CUL5: variants seen among roughly 807,000 people sequenced by gnomAD.
CUL5 encodes the protein cullin 5.
CUL5 carries 26 observed loss-of-function variants against 108.8 expected under a neutral mutation model. The observed-to-expected ratio is 0.24, with a 90% CI of 0.18 to 0.33. CUL5 has a LOEUF of 0.33. Ranked by LOEUF, CUL5 falls within the 10% of genes least tolerant of loss-of-function variation. The pLI, the probability that CUL5 is intolerant of heterozygous loss-of-function variation, is 1.00. For synonymous variants in CUL5, 334 were observed against 298.0 expected, an observed-to-expected ratio of 1.12 and a Z score of -1.25; for missense variants, 524 against 909.2, an observed-to-expected ratio of 0.58 and a Z score of 5.45.
At chr11:108,086,024 T>C (rs927153224) in intron 11 of CUL5, among the ~76,000 whole-genome samples, 6 of 152,206 alleles carry the variant, frequency 3.9e-5, no homozygotes, top group Non-Finnish European at 8.8e-5. Context: ...TACATATTAA[T>C]GGATAGATGG....
At chr11:108,071,409 T>G (rs1268640057) in intron 8 of CUL5, among the ~76,000 whole-genome samples, 3 of 151,692 alleles carry the variant, frequency 2.0e-5, no homozygotes, top group African/African-American at 7.3e-5. Context: ...ACTACAGCCG[T>G]GTACCACCAT....
intron 18 of CUL5, 142 bp downstream of exon 18, chr11:108,098,671 A>T (rs993381138): frequency 3.1e-5 from 15 of 484,176 alleles, no homozygotes; most frequent in Non-Finnish European, 4.6e-5. Flanking sequence ...ACACTTTGGG[A>T]TGCTGAGGCA....
intron 1 of CUL5, among the ~76,000 whole-genome samples, chr11:108,015,449 A>T (rs570882882): frequency 6.6e-6 from 1 of 152,246 alleles, no homozygotes; most frequent in Non-Finnish European, 1.5e-5. Flanking sequence ...CTAGTTAAAC[A>T]TAAATGAGAA....
chr11:108,042,972 A>C (rs564228523), intron 2 of CUL5, among the ~76,000 whole-genome samples: 8 of 152,166 alleles, frequency 5.3e-5, no homozygotes, highest in Non-Finnish European at 1.2e-4. Flanking sequence ...TATGTTGGCC[A>C]GGTTGGTTGC....
rs200626901 is a variant in CUL5 at position 108,094,489 on chromosome 11, C to T, written c.1542C>T (p.His514=). 6.8e-7 allele frequency: 1 copy of T among 1,475,076 alleles called. No homozygotes were observed. Among genetic ancestry groups the T allele is most frequent in the East Asian group, 2.4e-5 (1 of 42,520 alleles). The allele number at this position is 1,475,076 out of a possible 1,614,324, so 91.4% of individuals were successfully genotyped here. A position where few individuals can be genotyped will look rare whatever the true frequency, so the allele number is the denominator to read the frequency against. The change falls in exon 14 of 19, where the codon CAC becomes CAT. Residue 514 remains histidine (H), a synonymous_variant. Transcript: ENST00000393094. ...EDLNQAFKEM[H]KNNKLALPAD... ...TGAACCAAGCTTTTAAGGAAATGCA[C>T]AAAAATAATAAATTGGCATTACCAG...
At chr11:108,015,999 G>T (rs1299251956) in intron 1 of CUL5, among the ~76,000 whole-genome samples, 3 of 152,048 alleles carry the variant, frequency 2.0e-5, no homozygotes, top group Non-Finnish European at 2.9e-5. Context: ...ATGGCTCACT[G>T]CAGTCTTGAT....
At chr11:108,071,808 C>G (rs1863830631) in intron 8 of CUL5, among the ~76,000 whole-genome samples, 1 of 152,162 alleles carries the variant, frequency 6.6e-6, no homozygotes, top group African/African-American at 2.4e-5. Context: ...CCCACCTTGG[C>G]CTCCCAAAGT....
At chr11:108,083,493 A>C (rs1354853947) in intron 11 of CUL5, among the ~76,000 whole-genome samples, 1 of 152,186 alleles carries the variant, frequency 6.6e-6, no homozygotes, top group African/African-American at 2.4e-5. Flanking sequence ...CTCCACATTA[A>C]AGTAGAACAT....
At chr11:108,080,702 C>A (rs1864057761) in intron 11 of CUL5, among the ~76,000 whole-genome samples, 1 of 151,902 alleles carries the variant, frequency 6.6e-6, no homozygotes, top group Non-Finnish European at 1.5e-5. Flanking sequence ...CCCTTTTGGC[C>A]ATTTTTAATT....
intron 13 of CUL5, among the ~76,000 whole-genome samples, chr11:108,089,907 G>A (rs1304886470): frequency 2.0e-5 from 3 of 151,998 alleles, no homozygotes; most frequent in African/African-American, 7.2e-5. Context: ...GGATGTGCTG[G>A]TGCACTCCGG....
chr11:108,081,478 C>T (rs1445456643), intron 11 of CUL5, among the ~76,000 whole-genome samples: 2 of 152,084 alleles, frequency 1.3e-5, no homozygotes, highest in Non-Finnish European at 2.9e-5. Flanking sequence ...GGCTGCCAGG[C>T]GTGGTGGCTC....
At chr11:108,099,005 C>CTTTTT (rs4027717) in intron 18 of CUL5, among the ~76,000 whole-genome samples, 1 of 133,150 alleles carries the variant, frequency 7.5e-6, no homozygotes, top group Non-Finnish European at 1.6e-5. Flanking sequence ...GGCCAGTGTA[C>CTTTTT]TTTTTTTTTT....
At chr11:108,081,919 T>C (rs1864097466) in intron 11 of CUL5, among the ~76,000 whole-genome samples, 1 of 152,248 alleles carries the variant, frequency 6.6e-6, no homozygotes, top group Non-Finnish European at 1.5e-5. Flanking sequence ...GTTGGTTCTT[T>C]TTCAAGATCA....
chr11:108,100,061 C>T (rs1358116009), intron 18 of CUL5, among the ~76,000 whole-genome samples: 2 of 151,246 alleles, frequency 1.3e-5, no homozygotes, highest in African/African-American at 4.9e-5. Flanking sequence ...TTTAAAATTT[C>T]ACATGAAAAT....
At chr11:108,019,921 G>C (rs945413357) in intron 1 of CUL5, among the ~76,000 whole-genome samples, 2 of 152,092 alleles carry the variant, frequency 1.3e-5, no homozygotes, top group African/African-American at 4.8e-5. Context: ...TGTGTGTGTA[G>C]AGATCACACG....
intron 2 of CUL5, among the ~76,000 whole-genome samples, chr11:108,039,589 A>G (rs1862839664): frequency 6.6e-6 from 1 of 152,212 alleles, no homozygotes; most frequent in African/African-American, 2.4e-5. Flanking sequence ...CAAACGCTTC[A>G]TCATCAGAAA....
chr11:108,045,345 A>G (rs1863039757), intron 2 of CUL5, among the ~76,000 whole-genome samples: 1 of 152,200 alleles, frequency 6.6e-6, no homozygotes, highest in Admixed American at 6.5e-5. Flanking sequence ...CAATCCCACC[A>G]TTTTGGGAGG....
In CUL5 at chr11:108,104,633, T is replaced by G. The variant is rs911444788; in HGVS notation, c.*249T>G. ...AAACTTGCATTCATGAAGAGCCCATTATCAACTTTTAAAAGTGAATTTGAT... is the reference window on the plus strand; with the variant it reads ...AAACTTGCATTCATGAAGAGCCCATGATCAACTTTTAAAAGTGAATTTGAT... On this transcript the variant is annotated 3_prime_UTR_variant, in exon 19 of 19. Transcript: ENST00000393094. 2 of 284,646 alleles carry G rather than the reference T, an allele frequency of 7.0e-6. No homozygotes were observed. Among genetic ancestry groups the G allele is most frequent in the African/African-American group, 4.4e-5 (2 of 45,800 alleles). The allele number at this position is 284,646 out of a possible 1,614,324, so 17.6% of individuals were successfully genotyped here.
At chr11:108,104,041 T>G in intron 18 of CUL5, 149 bp from the exon 19 acceptor site, 1 of 541,650 alleles carries the variant, frequency 1.8e-6, no homozygotes, top group Non-Finnish European at 3.2e-6. Flanking sequence ...TAAAAGATAC[T>G]AGTCTCAACA....
Sources: allele counts gnomAD v4.1 joint callset (sites outside exome capture counted in the v4.1 genomes callset), GRCh38; gene constraint gnomAD v4.1.1; transcripts MANE v1.5; gene names NCBI Gene and HGNC (gene_info 2026-07-23, HGNC 2026-07-21).